TTLL7: variants seen among roughly 807,000 people sequenced by gnomAD.
TTLL7 encodes tubulin polyglutamylase TTLL7.
In TTLL7, 53 loss-of-function variants were observed where a neutral mutation model predicts 120.2. The ratio of observed to expected loss-of-function variants is 0.44; its 90% CI spans 0.35 to 0.55. The LOEUF (loss-of-function observed/expected upper bound fraction) is 0.55, where lower values mean the gene tolerates loss of function less well. TTLL7 is among the 20% of genes least tolerant of loss of function. The pLI is 0.00. For synonymous variants in TTLL7, 353 were observed against 351.7 expected (o/e 1.00, Z -0.04); for missense variants, 803 against 1,054.7 (o/e 0.76, Z 3.31).
intron 7 of TTLL7, among the ~76,000 whole-genome samples, chr1:83,938,462 G>T (rs1343052419): frequency 6.6e-6 from 1 of 152,192 alleles, no homozygotes; most frequent in African/African-American, 2.4e-5. Context: ...AATAAAAAAT[G>T]AAAACTCACG....
At chr1:83,955,721 G>A (rs574635283) in intron 1 of TTLL7, among the ~76,000 whole-genome samples, 8 of 152,124 alleles carry the variant, frequency 5.3e-5, no homozygotes, top group Admixed American at 1.3e-4. Context: ...TTAATAAATC[G>A]GTTAATTAGC....
intron 1 of TTLL7, among the ~76,000 whole-genome samples, chr1:83,992,791 CTTTTTTTTTTT>C (rs367737528): frequency 9.8e-6 from 1 of 101,546 alleles, no homozygotes; most frequent in Non-Finnish European, 1.9e-5. Context: ...TATTCAAGTT[CTTTTTTTTTTT>C]TTTTTTTTTG....
At chr1:83,984,090 C>CA (rs34647942) in intron 1 of TTLL7, 65,453 of 148,248 alleles carry the variant, frequency 0.44, 15,576 homozygotes, top group Non-Finnish European at 0.54. Flanking sequence ...GACCCTGTTT[C>CA]AAAAAAAAAA....
chr1:83,942,933 A>C (rs1189674392), intron 6 of TTLL7, among the ~76,000 whole-genome samples: 1 of 152,166 alleles, frequency 6.6e-6, no homozygotes, highest in Non-Finnish European at 1.5e-5. Context: ...GCTTTGTAAC[A>C]TTTTAAGTTA....
In TTLL7 at chr1:83,870,025, C is replaced by T. The variant is rs751596710; in HGVS notation, c.2601G>A (p.Lys867=). 1 of 1,586,996 alleles carries T rather than the reference C, an allele frequency of 6.3e-7. No homozygotes were observed. Among genetic ancestry groups the T allele is most frequent in the South Asian group, 1.2e-5 (1 of 85,794 alleles). The part of the protein sequence containing the change: ...FFLRTPTYNL[K]YNSPGMTRSN... ...AGCGAGTCATTCCAGGTGAATTGTA[C>T]TTCAAGTTGTAGGTTGGTGTTCTCA... Residue 867 remains lysine, a synonymous_variant, in exon 21 of 21, where the codon AAG becomes AAA. Transcript: ENST00000260505.
At position 83,999,124 on chromosome 1, in the gene TTLL7, G is replaced by A; in HGVS notation, c.-370C>T. On this transcript the variant is annotated 5_prime_UTR_variant, in exon 1 of 21. Transcript: ENST00000260505. ...GGGACTCCGGTGCTCGACGCGGAGT[G>A]CCTGGAACAGCTGTCGCTGCCCAAG... 1 of 430,484 alleles carries A rather than the reference G, an allele frequency of 2.3e-6. No individual in the cohort carries two copies. Among genetic ancestry groups the A allele is most frequent in the Non-Finnish European group, 4.6e-6 (1 of 217,404 alleles). The allele number at this position is 430,484 out of a possible 1,614,324, so 26.7% of individuals were successfully genotyped here. A position where few individuals can be genotyped will look rare whatever the true frequency, so the allele number is the denominator to read the frequency against.
At chr1:83,991,428 T>C (rs572206175) in intron 1 of TTLL7, among the ~76,000 whole-genome samples, 2 of 152,246 alleles carry the variant, frequency 1.3e-5, no homozygotes, top group East Asian at 3.9e-4. Context: ...GGTGGACCAC[T>C]TGAGCTCAGG....
chr1:83,959,893 A>G (rs1316967631), intron 1 of TTLL7, among the ~76,000 whole-genome samples: 6 of 152,152 alleles, frequency 3.9e-5, no homozygotes, highest in Non-Finnish European at 8.8e-5. Flanking sequence ...TTATTTACAT[A>G]AAGTTTAAAA....
intron 12 of TTLL7, chr1:83,920,735 T>G (rs550237441): frequency 3.2e-5 from 7 of 217,120 alleles, no homozygotes; most frequent in Admixed American, 2.6e-4. Flanking sequence ...ATTTTCATTA[T>G]TTGCCTAGTT....
chr1:83,933,589 T>C lies in TTLL7; in HGVS notation c.1047+19A>G, dbSNP rs1399834516. ...TAAGGACAGTGATAACTCTTCTTTT[T>C]TCTTAAAGAATGCCTTACCTCCAGA... On this transcript the variant is annotated intron_variant, in intron 9 of 20. Coordinates refer to ENST00000260505, the MANE Select transcript of TTLL7 (RefSeq NM_024686.6). 6.2e-7 allele frequency: 1 copy of C among 1,606,078 alleles called. No homozygotes were observed. Among genetic ancestry groups the C allele is most frequent in the South Asian group, 1.1e-5 (1 of 89,668 alleles).
At chr1:83,938,784 A>T (rs2100834343) in intron 7 of TTLL7, among the ~76,000 whole-genome samples, 1 of 152,362 alleles carries the variant, frequency 6.6e-6, no homozygotes, top group Admixed American at 6.5e-5. Context: ...TAGCACAAGC[A>T]TTCATAAAAA....
At chr1:83,981,267 C>T (rs888900423) in intron 1 of TTLL7, 5 of 151,786 alleles carry the variant, frequency 3.3e-5, no homozygotes, top group African/African-American at 9.7e-5. Context: ...TCTTTTCACA[C>T]ATAATGACAT....
Position 83,932,487 on chromosome 1 carries a change from C to T in TTLL7, c.1047+1121G>A, listed in dbSNP as rs147734543. 2.5e-3 allele frequency among the ~76,000 whole-genome samples: 386 copies of T among 152,196 alleles called. 1 individual carries two copies. The highest frequency in any genetic ancestry group is 8.9e-3 in the African/African-American group (371 of 41,536). ...GACCCAGGCTGGAGCAAAATATGAA[C>T]ATCCAACAGAGAGAACTGCATTTCC... On this transcript the variant is annotated intron_variant, in intron 9 of 20. Transcript: ENST00000260505.
intron 10 of TTLL7, among the ~76,000 whole-genome samples, chr1:83,923,101 G>A (rs1042905588): frequency 2.7e-5 from 4 of 150,336 alleles, no homozygotes; most frequent in Non-Finnish European, 5.9e-5. Flanking sequence ...CCCTAATTAA[G>A]GGTAAAGGAA....
At chr1:83,888,306 T>A (rs895108810) in intron 19 of TTLL7, among the ~76,000 whole-genome samples, 1 of 152,042 alleles carries the variant, frequency 6.6e-6, no homozygotes, top group African/African-American at 2.4e-5. Flanking sequence ...AGCCATCAAC[T>A]AAGGGGCTGT....
At position 83,999,005 on chromosome 1, in the gene TTLL7, A is replaced by C; in HGVS notation, c.-251T>G. 2.2e-6 allele frequency: 1 copy of C among 444,684 alleles called. No homozygotes were observed. The highest frequency in any genetic ancestry group is 4.5e-6 in the Non-Finnish European group (1 of 223,314). 27.5% of individuals were successfully genotyped at this position (444,684 alleles called of 1,614,324 possible). On this transcript the variant is annotated 5_prime_UTR_variant, in exon 1 of 21. Coordinates refer to ENST00000260505, the MANE Select transcript of TTLL7 (RefSeq NM_024686.6). ...TCCCCCAGGTGCTCCCGCGCCTCGC[A>C]GCTTCCCCGTGGGCGGCCGCCCCGA... is the stretch of plus-strand genomic sequence containing the variant.
At chr1:83,971,923 A>AC (rs1473917764) in intron 1 of TTLL7, among the ~76,000 whole-genome samples, 1 of 148,780 alleles carries the variant, frequency 6.7e-6, no homozygotes, top group African/African-American at 2.4e-5. Flanking sequence ...AGGGCCAAAG[A>AC]TTTTTCATAT....
intron 1 of TTLL7, among the ~76,000 whole-genome samples, chr1:83,969,288 C>A (rs1650757329): frequency 6.6e-6 from 1 of 151,884 alleles, no homozygotes; most frequent in South Asian, 2.1e-4. Flanking sequence ...TCTCAGTTTA[C>A]TCTCTCAATT....
chr1:83,937,349 G>A (rs557931415), intron 8 of TTLL7, among the ~76,000 whole-genome samples: 6 of 151,964 alleles, frequency 3.9e-5, no homozygotes, highest in South Asian at 2.1e-4. Flanking sequence ...TTACAGGAGC[G>A]CGCCACCACA....
Sources: allele counts gnomAD v4.1 joint callset (sites outside exome capture counted in the v4.1 genomes callset), GRCh38; gene constraint gnomAD v4.1.1; transcripts MANE v1.5; gene names NCBI Gene and HGNC (gene_info 2026-07-23, HGNC 2026-07-21).